The following RCOR1 variants were observed in gnomAD, a reference collection of about 807,000 sequenced individuals.
RCOR1 encodes the protein REST corepressor.
RCOR1 carries 12 observed loss-of-function variants against 64.0 expected under a neutral mutation model. The ratio of observed to expected loss-of-function variants is 0.19; its 90% CI spans 0.12 to 0.30. The LOEUF (loss-of-function observed/expected upper bound fraction) is 0.30, where lower values mean the gene tolerates loss of function less well. Among genes scored for constraint, RCOR1 ranks in the 10% least tolerant of loss-of-function variants. RCOR1 has a pLI of 1.00. For synonymous variants in RCOR1, 279 were observed against 227.2 expected (o/e 1.23, Z -2.05); for missense variants, 502 against 621.2 (o/e 0.81, Z 2.04).
chr14:102,640,639 C>T (rs77748633), intron 2 of RCOR1, among the ~76,000 whole-genome samples: 1,881 of 151,960 alleles, frequency 0.012, 40 homozygotes, highest in African/African-American at 0.043. Flanking sequence ...CTCTTTTCTG[C>T]AGAGGCTATC....
chr14:102,716,023 T>A (rs1595244074), intron 8 of RCOR1, among the ~76,000 whole-genome samples: 5 of 152,192 alleles, frequency 3.3e-5, no homozygotes, highest in Admixed American at 3.3e-4. Flanking sequence ...GGCAAAATTG[T>A]CCCCATTTGA....
intron 3 of RCOR1, among the ~76,000 whole-genome samples, 156 bp downstream of exon 3, chr14:102,682,134 A>T (rs1038871081): frequency 6.6e-6 from 1 of 152,100 alleles, no homozygotes; most frequent in East Asian, 1.9e-4. Context: ...TTTTTTTAAA[A>T]TTTTTTATTT....
chr14:102,657,971 T>A, intron 2 of RCOR1: 2 of 957,692 alleles, frequency 2.1e-6, no homozygotes, highest in Non-Finnish European at 2.5e-6. Context: ...TTTAATTTAA[T>A]TAATTTTTAT....
intron 2 of RCOR1, among the ~76,000 whole-genome samples, chr14:102,677,516 C>T (rs1255816054): frequency 2.1e-3 from 241 of 117,352 alleles, no homozygotes; most frequent in Non-Finnish European, 2.4e-3. Context: ...TCCTCACCTC[C>T]CAGACAGGGT....
rs1379211846 is a variant in RCOR1, at chr14:102,667,928, T to C, written c.362-13967T>C. Among the ~76,000 whole-genome samples the C allele has an allele frequency of 2.0e-5, 3 of 152,140 alleles. No individual in the cohort carries two copies. The East Asian group carries it at 5.8e-4, about 29-fold the overall frequency. ...AAGCTGTGTCAAGATGCTTTTTGAG[T>C]TGTTCTTGGCTTATATGCGTATTCT... On this transcript the variant is annotated intron_variant, in intron 2 of 11. Coordinates refer to ENST00000262241, the MANE Select transcript of RCOR1 (RefSeq NM_015156.4).
chr14:102,595,781 G>A (rs1295708191), intron 2 of RCOR1, among the ~76,000 whole-genome samples: 4 of 151,786 alleles, frequency 2.6e-5, no homozygotes, highest in African/African-American at 9.7e-5. Flanking sequence ...GGGTTTCACC[G>A]TGTCAGCCAG....
intron 3 of RCOR1, chr14:102,695,369 CAA>C (rs1342317082): frequency 7.5e-6 from 1 of 134,188 alleles, no homozygotes; most frequent in Non-Finnish European, 1.6e-5. Context: ...CTTCTCTCCT[CAA>C]GAGATAGAAC....
At position 102,701,261 on chromosome 14, in the gene RCOR1, CTCT is replaced by C; in HGVS notation, c.446-12_446-10del. On this transcript the variant is annotated splice_polypyrimidine_tract_variant and intron_variant, in intron 3 of 11. Transcript: ENST00000262241. Reference sequence around the variant, plus strand: ...TGTCCCTCAGTTTGTTTAATGGCATCTCTTCTTGTTTTTCAGTGGATGAATACA... The same window carrying C: ...TGTCCCTCAGTTTGTTTAATGGCATCTCTTGTTTTTCAGTGGATGAATACA... 2.5e-6 allele frequency: 4 copies of C among 1,608,810 alleles called. No homozygotes were observed. The highest frequency in any genetic ancestry group is 1.3e-5 in the African/African-American group (1 of 74,892).
At chr14:102,637,122 TG>T (rs1894258937) in intron 2 of RCOR1, among the ~76,000 whole-genome samples, 2 of 150,152 alleles carry the variant, frequency 1.3e-5, no homozygotes, top group South Asian at 2.1e-4. Context: ...TTTGTTTGTT[TG>T]TTTTTTTATT....
chr14:102,595,825 C>A (rs555806128), intron 2 of RCOR1, among the ~76,000 whole-genome samples: 1 of 152,078 alleles, frequency 6.6e-6, no homozygotes, highest in African/African-American at 2.4e-5. Flanking sequence ...GTGATCCGCC[C>A]GTCTCGGCCT....
chr14:102,702,207 T>G (rs1895768999), intron 4 of RCOR1, among the ~76,000 whole-genome samples: 1 of 152,166 alleles, frequency 6.6e-6, no homozygotes, highest in South Asian at 2.1e-4. Flanking sequence ...TTGTACCCTT[T>G]CTTTTGGACT....
At chr14:102,646,145 T>TGATC (rs1341981182) in intron 2 of RCOR1, among the ~76,000 whole-genome samples, 1 of 152,194 alleles carries the variant, frequency 6.6e-6, no homozygotes, top group Non-Finnish European at 1.5e-5. Flanking sequence ...GGAGATAATG[T>TGATC]GATCAGCTCT....
chr14:102,719,791 T>C (rs1389060740), intron 8 of RCOR1, among the ~76,000 whole-genome samples: 2 of 152,238 alleles, frequency 1.3e-5, no homozygotes, highest in African/African-American at 4.8e-5. Flanking sequence ...TTGTACTATC[T>C]ATGAACAACC....
chr14:102,602,579 A>C (rs1362156839), intron 2 of RCOR1, among the ~76,000 whole-genome samples: 2 of 151,700 alleles, frequency 1.3e-5, no homozygotes, highest in Admixed American at 1.3e-4. Flanking sequence ...AATTTTAAAA[A>C]ATATTTTTAG....
intron 2 of RCOR1, among the ~76,000 whole-genome samples, chr14:102,631,648 T>C (rs1383345031): frequency 6.6e-6 from 1 of 152,154 alleles, no homozygotes; most frequent in African/African-American, 2.4e-5. Flanking sequence ...CACATAGGTG[T>C]GACCTTGAAT....
rs1271116044 is a variant in RCOR1 at position 102,593,313 on chromosome 14, G to A, written c.349G>A (p.Asp117Asn). The change falls in exon 2 of 12, where the codon GAC becomes AAC. Residue 117 changes from aspartate (D) to asparagine (N), a missense_variant. By Grantham distance (23) the Asp-to-Asn change is conservative. Transcript: ENST00000262241. ...ACCCCAGTACCAGGCGGTGGTGCCC[G>A]ACTTCGACCCCGGTGAGTAGCGGCC... ...VGPQYQAVVP[D>N]FDPAKLARRS... 7 of 1,546,970 alleles carry A rather than the reference G, an allele frequency of 4.5e-6. No individual in the cohort carries two copies. Among genetic ancestry groups the A allele is most frequent in the African/African-American group, 4.3e-5 (3 of 70,154 alleles).
chr14:102,593,413 A>T, intron 2 of RCOR1, 88 bp downstream of exon 2: 1 of 1,368,482 alleles, frequency 7.3e-7, no homozygotes, highest in Non-Finnish European at 9.5e-7. Flanking sequence ...GCCCGCCGAC[A>T]ACTTTCTTTT....
At chr14:102,667,288 G>A (rs1041201575) in intron 2 of RCOR1, among the ~76,000 whole-genome samples, 2 of 152,116 alleles carry the variant, frequency 1.3e-5, no homozygotes, top group African/African-American at 4.8e-5. Flanking sequence ...ATCAAGTGAG[G>A]TCAGGAGTTC....
chr14:102,597,628 CTTTTTTTTTTTTTTT>C (rs57656879), intron 2 of RCOR1, among the ~76,000 whole-genome samples: 1 of 44,950 alleles, frequency 2.2e-5, no homozygotes, highest in Non-Finnish European at 3.8e-5. Flanking sequence ...TGCGCCCGAC[CTTTTTTTTTTTTTTT>C]TTTTTTTTTT....
Sources: allele counts gnomAD v4.1 joint callset (sites outside exome capture counted in the v4.1 genomes callset), GRCh38; gene constraint gnomAD v4.1.1; transcripts MANE v1.5; gene names NCBI Gene and HGNC (gene_info 2026-07-23, HGNC 2026-07-21).